ARHGAP15: variants seen among roughly 807,000 people sequenced by gnomAD.
ARHGAP15 encodes the protein rho GTPase-activating protein 15.
ARHGAP15 carries 51 observed loss-of-function variants against 63.7 expected under a neutral mutation model. The observed-to-expected ratio is 0.80, with a 90% CI of 0.64 to 1.01. ARHGAP15 has a LOEUF of 1.01. ARHGAP15 is among the 50% of genes least tolerant of loss of function. The pLI is 0.00. For missense variants in ARHGAP15, 560 were observed against 564.6 expected (o/e 0.99, Z 0.08); for synonymous variants, 191 against 193.8 (o/e 0.99, Z 0.12).
chr2:143,643,049 CTAAT>C, intron 12 of ARHGAP15, among the ~76,000 whole-genome samples: 1 of 99,354 alleles, frequency 1.0e-5, no homozygotes, highest in East Asian at 2.0e-4. Flanking sequence ...AATAAATTAA[CTAAT>C]TAATTGCGGA....
chr2:143,636,314 A>C (rs1241788220), intron 12 of ARHGAP15, among the ~76,000 whole-genome samples: 1 of 152,188 alleles, frequency 6.6e-6, no homozygotes, highest in Non-Finnish European at 1.5e-5. Flanking sequence ...TTATTCTCTG[A>C]ATATCTAATT....
At chr2:143,310,363 TATC>T (rs572487165) in intron 6 of ARHGAP15, among the ~76,000 whole-genome samples, 152 of 152,188 alleles carry the variant, frequency 1.0e-3, no homozygotes, top group Non-Finnish European at 1.6e-3. Flanking sequence ...ATCGGTATGT[TATC>T]ATGAAGATTA....
chr2:143,736,536 T>C (rs4662213), intron 13 of ARHGAP15, among the ~76,000 whole-genome samples: 99,254 of 152,088 alleles, frequency 0.65, 35,257 homozygotes, highest in Non-Finnish European at 0.8. Context: ...GTAGAGTGTA[T>C]AGTTATAGAC....
At chr2:143,556,140 T>C (rs1380732515) in intron 10 of ARHGAP15, among the ~76,000 whole-genome samples, 1 of 152,068 alleles carries the variant, frequency 6.6e-6, no homozygotes, top group African/African-American at 2.4e-5. Context: ...TCCTTGTAAA[T>C]GAACCTTAAA....
chr2:143,767,891 A>T, intron 13 of ARHGAP15, 98 bp from the exon 14 acceptor site: 2 of 1,095,460 alleles, frequency 1.8e-6, no homozygotes, highest in Non-Finnish European at 2.6e-6. Context: ...TAATGCAGTT[A>T]CTTTTCCTGA....
intron 11 of ARHGAP15, among the ~76,000 whole-genome samples, chr2:143,597,499 G>C (rs988015263): frequency 6.6e-6 from 1 of 151,980 alleles, no homozygotes; most frequent in Non-Finnish European, 1.5e-5. Context: ...GATGCCAGTC[G>C]CCAGCTTGAT....
At chr2:143,512,153 GCT>G (rs1359098579) in intron 9 of ARHGAP15, among the ~76,000 whole-genome samples, 1 of 152,168 alleles carries the variant, frequency 6.6e-6, no homozygotes, top group Non-Finnish European at 1.5e-5. Context: ...CCATCACTCA[GCT>G]CTGTTTTCCA....
chr2:143,208,253 C>A (rs541709233), intron 3 of ARHGAP15, among the ~76,000 whole-genome samples: 2 of 152,240 alleles, frequency 1.3e-5, no homozygotes, highest in African/African-American at 4.8e-5. Flanking sequence ...CCAGGAAACA[C>A]GAGAGACATT....
intron 9 of ARHGAP15, among the ~76,000 whole-genome samples, chr2:143,497,232 A>C (rs907042969): frequency 6.6e-6 from 1 of 152,146 alleles, no homozygotes; most frequent in Non-Finnish European, 1.5e-5. Flanking sequence ...CATTGCACCA[A>C]AGTTGATGTG....
chr2:143,346,057 A>G lies in ARHGAP15; in HGVS notation c.475-89544A>G, dbSNP rs533394284. The stretch of plus-strand genomic sequence containing the variant: ...CTACCCATTTTGGGATAAAAACACT[A>G]TTGAAATTGAGCATACTAACTTTAA... On this transcript the variant is annotated intron_variant, in intron 6 of 13. Transcript: ENST00000295095. Among the ~76,000 whole-genome samples the G allele has an allele frequency of 1.1e-4, 17 of 152,154 alleles. 1 individual carries two copies. Among genetic ancestry groups the G allele is most frequent in the Admixed American group, 1.0e-3 (16 of 15,260 alleles).
chr2:143,159,799 A>T (rs967073413), intron 2 of ARHGAP15, among the ~76,000 whole-genome samples: 15 of 151,966 alleles, frequency 9.9e-5, no homozygotes, highest in African/African-American at 3.6e-4. Flanking sequence ...TAATTAAATG[A>T]GAGTCTGCAG....
chr2:143,349,983 A>G (rs1685483261), intron 6 of ARHGAP15, among the ~76,000 whole-genome samples: 1 of 152,230 alleles, frequency 6.6e-6, no homozygotes, highest in Non-Finnish European at 1.5e-5. Flanking sequence ...TTGAAATATA[A>G]TAGGCCTTTT....
intron 12 of ARHGAP15, among the ~76,000 whole-genome samples, chr2:143,656,397 G>A (rs1403815306): frequency 6.6e-6 from 1 of 152,188 alleles, no homozygotes; most frequent in Non-Finnish European, 1.5e-5. Flanking sequence ...CACTTGGGCA[G>A]TCTAATTAGG....
chr2:143,537,076 T>A (rs1274835114), intron 10 of ARHGAP15, among the ~76,000 whole-genome samples: 10 of 152,222 alleles, frequency 6.6e-5, no homozygotes, highest in Non-Finnish European at 1.5e-4. Context: ...CTAACTGGTG[T>A]GAGATGGTAT....
chr2:143,328,718 G>C (rs535136450), intron 6 of ARHGAP15, among the ~76,000 whole-genome samples: 35 of 152,048 alleles, frequency 2.3e-4, no homozygotes, highest in Non-Finnish European at 3.7e-4. Flanking sequence ...GTGTATCCCA[G>C]AACTTAAAGT....
intron 6 of ARHGAP15, among the ~76,000 whole-genome samples, chr2:143,312,481 GAA>G (rs779785072): frequency 6.7e-6 from 1 of 149,628 alleles, no homozygotes; most frequent in Non-Finnish European, 1.5e-5. Flanking sequence ...AAGATAAAAA[GAA>G]AAAAAAAGCA....
At chr2:143,459,750 A>T (rs988807081) in intron 8 of ARHGAP15, among the ~76,000 whole-genome samples, 9 of 152,226 alleles carry the variant, frequency 5.9e-5, no homozygotes, top group African/African-American at 1.9e-4. Context: ...GAAAAATTTG[A>T]AATAATCTAC....
intron 12 of ARHGAP15, among the ~76,000 whole-genome samples, chr2:143,690,555 TAAG>T (rs939169705): frequency 2.0e-5 from 3 of 152,244 alleles, no homozygotes; most frequent in Non-Finnish European, 4.4e-5. Flanking sequence ...TTTGAGCTTC[TAAG>T]AAGATGCTTA....
chr2:143,667,646 G>A (rs980591721), intron 12 of ARHGAP15, among the ~76,000 whole-genome samples: 13 of 150,502 alleles, frequency 8.6e-5, no homozygotes, highest in Non-Finnish European at 7.4e-5. Flanking sequence ...TAATCTTTGG[G>A]AAAATGCAAT....
Sources: gnomAD v4.1 joint callset for allele counts (sites outside exome capture counted in the v4.1 genomes callset) on GRCh38, gnomAD v4.1.1 for gene constraint, MANE v1.5 for transcripts, NCBI Gene and HGNC (gene_info 2026-07-23, HGNC 2026-07-21) for gene names.